Variants in BABAM2 observed in about 807,000 individuals in gnomAD.
BABAM2 encodes BRISC and BRCA1 A complex member 2.
Under a neutral mutation model 54.7 loss-of-function variants are expected in BABAM2, and 31 were observed. That is an observed-to-expected ratio of 0.57 (90% CI 0.43 to 0.77). The LOEUF (loss-of-function observed/expected upper bound fraction) is 0.77. Among genes scored for constraint, BABAM2 ranks in the 30% least tolerant of loss-of-function variants. BABAM2 has a pLI of 0.00. For missense variants in BABAM2, 364 were observed against 455.8 expected (o/e 0.80, Z 1.83); for synonymous variants, 167 against 162.9 (o/e 1.03, Z -0.19).
intron 7 of BABAM2, among the ~76,000 whole-genome samples, chr2:28,202,966 C>A (rs1447412347): frequency 6.6e-6 from 1 of 152,124 alleles, no homozygotes; most frequent in Non-Finnish European, 1.5e-5. Context: ...CTCCACCCCC[C>A]CACAGAAAGA....
chr2:28,222,292 G>A (rs904629782), intron 7 of BABAM2, among the ~76,000 whole-genome samples: 1 of 152,156 alleles, frequency 6.6e-6, no homozygotes, highest in Non-Finnish European at 1.5e-5. Flanking sequence ...TTGATGGAGA[G>A]CCCAACCAGA....
At chr2:27,950,430 A>G (rs1669626189) in intron 3 of BABAM2, among the ~76,000 whole-genome samples, 1 of 152,082 alleles carries the variant, frequency 6.6e-6, no homozygotes, top group South Asian at 2.1e-4. Context: ...TTCTCTTTTA[A>G]TGTTATTAAT....
At chr2:28,171,236 A>G (rs1263652696) in intron 7 of BABAM2, among the ~76,000 whole-genome samples, 1 of 152,188 alleles carries the variant, frequency 6.6e-6, no homozygotes, top group Non-Finnish European at 1.5e-5. Flanking sequence ...TCTTACTACA[A>G]TTAATGATGA....
intron 4 of BABAM2, among the ~76,000 whole-genome samples, chr2:28,005,354 T>A (rs1673881482): frequency 6.6e-6 from 1 of 152,168 alleles, no homozygotes; most frequent in Non-Finnish European, 1.5e-5. Context: ...GATTTTGACT[T>A]CCTGAAGAGA....
chr2:28,214,975 A>G (rs1029200948), intron 7 of BABAM2, among the ~76,000 whole-genome samples: 1 of 152,128 alleles, frequency 6.6e-6, no homozygotes, highest in African/African-American at 2.4e-5. Flanking sequence ...ATATGAATTC[A>G]TATTATTGTT....
At chr2:28,071,669 T>G in intron 6 of BABAM2, among the ~76,000 whole-genome samples, 1 of 152,240 alleles carries the variant, frequency 6.6e-6, no homozygotes. Flanking sequence ...TCTCTACTAT[T>G]TGGTTATCCA....
At chr2:27,987,964 A>G (rs1304222782) in intron 3 of BABAM2, 29 bp from the exon 4 acceptor site, 1 of 1,561,648 alleles carries the variant, frequency 6.4e-7, no homozygotes, top group South Asian at 1.1e-5. Context: ...AAGGAAATAA[A>G]AAGGACCTGT....
intron 11 of BABAM2, among the ~76,000 whole-genome samples, chr2:28,337,076 G>A (rs1205541903): frequency 1.3e-5 from 2 of 152,180 alleles, no homozygotes; most frequent in East Asian, 3.9e-4. Context: ...TGCTGAGGGT[G>A]ACAGGTCTTG....
chr2:28,010,632 T>A (rs116473788), intron 4 of BABAM2, among the ~76,000 whole-genome samples: 2,091 of 152,256 alleles, frequency 0.014, 56 homozygotes, highest in African/African-American at 0.047. Context: ...CCATTTTTTT[T>A]AAGTGACAGG....
chr2:28,024,418 A>G (rs1675502805), intron 4 of BABAM2, among the ~76,000 whole-genome samples: 1 of 152,086 alleles, frequency 6.6e-6, no homozygotes, highest in Non-Finnish European at 1.5e-5. Context: ...AAAAAAAAAA[A>G]AGTCTTTGAT....
At chr2:28,300,569 G>C (rs754253299) in intron 11 of BABAM2, among the ~76,000 whole-genome samples, 1 of 152,184 alleles carries the variant, frequency 6.6e-6, no homozygotes, top group African/African-American at 2.4e-5. Context: ...CTAAGAAGAT[G>C]GGCATTATTT....
intron 11 of BABAM2, among the ~76,000 whole-genome samples, chr2:28,334,738 T>G (rs1572440013): frequency 6.6e-6 from 1 of 152,304 alleles, no homozygotes; most frequent in Non-Finnish European, 1.5e-5. Context: ...CACGTCTGGG[T>G]GGCAGCCAAC....
At chr2:28,276,305 A>G (rs1224930432) in intron 10 of BABAM2, among the ~76,000 whole-genome samples, 1 of 152,162 alleles carries the variant, frequency 6.6e-6, no homozygotes, top group South Asian at 2.1e-4. Context: ...AATTTTACAG[A>G]TGTGAGTCAT....
chr2:27,965,077 A>C (rs1467258407), intron 3 of BABAM2, among the ~76,000 whole-genome samples: 1 of 152,184 alleles, frequency 6.6e-6, no homozygotes, highest in Admixed American at 6.5e-5. Flanking sequence ...GAGCTGAATA[A>C]GATATGGAGG....
intron 2 of BABAM2, among the ~76,000 whole-genome samples, chr2:27,900,388 G>A (rs1665687032): frequency 6.7e-6 from 1 of 149,684 alleles, no homozygotes; most frequent in South Asian, 2.1e-4. Context: ...TTTTTAAATA[G>A]CAATTCATAT....
intron 7 of BABAM2, among the ~76,000 whole-genome samples, chr2:28,141,906 T>C (rs1006969909): frequency 6.6e-6 from 1 of 152,206 alleles, no homozygotes; most frequent in Non-Finnish European, 1.5e-5. Context: ...ATCTTTGCTG[T>C]AGAAGGTATG....
At chr2:28,291,358 C>T (rs1380983789) in intron 10 of BABAM2, among the ~76,000 whole-genome samples, 2 of 152,174 alleles carry the variant, frequency 1.3e-5, no homozygotes, top group East Asian at 1.9e-4. Flanking sequence ...TTTGGGAGGC[C>T]GAGGTGGATG....
chr2:28,111,475 A>G (rs1372559810), intron 6 of BABAM2, among the ~76,000 whole-genome samples: 1 of 152,046 alleles, frequency 6.6e-6, no homozygotes, highest in African/African-American at 2.4e-5. Context: ...TTGTCTTTTT[A>G]TGCAAATAGT....
chr2:27,912,800 T>C (rs1264407197), intron 2 of BABAM2, among the ~76,000 whole-genome samples: 1 of 152,156 alleles, frequency 6.6e-6, no homozygotes, highest in Non-Finnish European at 1.5e-5. Flanking sequence ...TGGAGCTACA[T>C]CTGGATGGAA....
Sources: allele counts gnomAD v4.1 joint callset (sites outside exome capture counted in the v4.1 genomes callset), GRCh38; gene constraint gnomAD v4.1.1; transcripts MANE v1.5; gene names NCBI Gene and HGNC (gene_info 2026-07-23, HGNC 2026-07-21).